Variants in TRIM44 observed in about 807,000 individuals in gnomAD.
TRIM44 encodes tripartite motif-containing protein 44.
TRIM44 carries 13 observed loss-of-function variants against 37.4 expected under a neutral mutation model. The ratio of observed to expected loss-of-function variants is 0.35; its 90% CI spans 0.23 to 0.55. The LOEUF (loss-of-function observed/expected upper bound fraction) is 0.55, where lower values mean the gene tolerates loss of function less well. TRIM44 is among the 20% of genes least tolerant of loss of function. TRIM44 has a pLI of 0.89. For synonymous variants in TRIM44, 175 were observed against 157.2 expected, an observed-to-expected ratio of 1.11 and a Z score of -0.85; for missense variants, 426 against 437.2, an observed-to-expected ratio of 0.97 and a Z score of 0.23.
intron 2 of TRIM44, among the ~76,000 whole-genome samples, chr11:35,687,661 T>A (rs780186532): frequency 6.6e-6 from 1 of 152,180 alleles, no homozygotes; most frequent in Non-Finnish European, 1.5e-5. Context: ...TTGGGATCCT[T>A]TATGAATGCA....
intron 4 of TRIM44, among the ~76,000 whole-genome samples, chr11:35,766,852 A>G (rs969794406): frequency 6.6e-6 from 1 of 152,198 alleles, no homozygotes; most frequent in African/African-American, 2.4e-5. Flanking sequence ...GGCACATGAT[A>G]AATGTGTGTG....
At chr11:35,776,406 C>G (rs1251920464) in intron 4 of TRIM44, among the ~76,000 whole-genome samples, 1 of 152,098 alleles carries the variant, frequency 6.6e-6, no homozygotes, top group Non-Finnish European at 1.5e-5. Context: ...TTCAAAAAAC[C>G]AGCTCCTGGA....
chr11:35,797,344 C>T lies in TRIM44; in HGVS notation c.1008-9014C>T, dbSNP rs541389152. On this transcript the variant is annotated intron_variant, in intron 4 of 4. Coordinates refer to ENST00000299413, the MANE Select transcript of TRIM44 (RefSeq NM_017583.6). ...TAAATGAAGGAGAAGAGACAAAGCT[C>T]ATGTTTGAAAGTATTCCACATAATG... 4.6e-5 allele frequency among the ~76,000 whole-genome samples: 7 copies of T among 152,282 alleles called. No homozygotes were observed. The East Asian group carries it at 1.3e-3, about 29-fold the overall frequency.
intron 4 of TRIM44, among the ~76,000 whole-genome samples, chr11:35,737,672 C>T (rs545690947): frequency 1.3e-5 from 2 of 152,016 alleles, no homozygotes; most frequent in Non-Finnish European, 2.9e-5. Context: ...CCTCTCTCTA[C>T]CAAAAATACA....
intron 2 of TRIM44, among the ~76,000 whole-genome samples, chr11:35,718,449 A>C (rs1852063233): frequency 6.6e-6 from 1 of 152,196 alleles, no homozygotes; most frequent in South Asian, 2.1e-4. Flanking sequence ...TTAGGTTAAC[A>C]GAAAAATTGA....
At chr11:35,793,997 A>G (rs899477856) in intron 4 of TRIM44, among the ~76,000 whole-genome samples, 3 of 152,248 alleles carry the variant, frequency 2.0e-5, no homozygotes, top group Admixed American at 1.3e-4. Context: ...CTTATAATGT[A>G]TAATTATCCT....
At chr11:35,778,846 G>T (rs747900603) in intron 4 of TRIM44, among the ~76,000 whole-genome samples, 6 of 152,140 alleles carry the variant, frequency 3.9e-5, no homozygotes, top group Non-Finnish European at 8.8e-5. Context: ...ATGAGGTGTC[G>T]GTCAGCCCCC....
chr11:35,793,208 T>A (rs1007027996), intron 4 of TRIM44, among the ~76,000 whole-genome samples: 3 of 151,194 alleles, frequency 2.0e-5, no homozygotes, highest in Non-Finnish European at 2.9e-5. Context: ...GCTTCTTTTT[T>A]AAAAAACAAA....
At chr11:35,725,064 A>ACT (rs758611307) in intron 2 of TRIM44, among the ~76,000 whole-genome samples, 8,660 of 98,064 alleles carry the variant, frequency 0.088, 264 homozygotes, top group East Asian at 0.16. Flanking sequence ...ACATGCACAC[A>ACT]CTCACACACA....
rs12293772 is a variant in TRIM44 at position 35,814,270 on chromosome 11, G to T, written c.*7885G>T. ...AACGTTATGTAGATATAATACCAGCGTGACAGCTTGTGGTTGGTGGTTTCT... is the reference window on the plus strand; with the variant it reads ...AACGTTATGTAGATATAATACCAGCTTGACAGCTTGTGGTTGGTGGTTTCT... On this transcript the variant is annotated 3_prime_UTR_variant, in exon 5 of 5. Transcript: ENST00000299413. The T allele has an allele frequency of 1.3e-3, 201 of 152,288 alleles. No homozygotes were observed. Among genetic ancestry groups the T allele is most frequent in the African/African-American group, 4.5e-3 (185 of 41,538 alleles). 9.4% of individuals were successfully genotyped at this position (152,288 alleles called of 1,614,324 possible). A position where few individuals can be genotyped will look rare whatever the true frequency, so the allele number is the denominator to read the frequency against.
intron 2 of TRIM44, among the ~76,000 whole-genome samples, chr11:35,706,499 T>C (rs1238896090): frequency 6.6e-6 from 1 of 152,206 alleles, no homozygotes; most frequent in Non-Finnish European, 1.5e-5. Context: ...TGAACATCGA[T>C]GCAAAAATCC....
chr11:35,775,825 T>C (rs1821183221), intron 4 of TRIM44, among the ~76,000 whole-genome samples: 1 of 152,230 alleles, frequency 6.6e-6, no homozygotes, highest in East Asian at 1.9e-4. Context: ...GAAGCCCACT[T>C]GATCATGGTG....
rs962514351 is a variant in TRIM44 at position 35,662,898 on chromosome 11, G to C, written c.-214G>C. 1 of 744,286 alleles carries C rather than the reference G, an allele frequency of 1.3e-6. No individual in the cohort carries two copies. The highest frequency in any genetic ancestry group is 1.9e-6 in the Non-Finnish European group (1 of 533,076). 46.1% of individuals were successfully genotyped at this position (744,286 alleles called of 1,614,324 possible). On this transcript the variant is annotated 5_prime_UTR_variant, in exon 1 of 5. Transcript: ENST00000299413. Reference sequence around the variant, plus strand: ...GCGCGGCAGAGGAAGCGCAGGGACAGAGCGGAGCAGGCCGAGCCGGCGGAA... The same window carrying C: ...GCGCGGCAGAGGAAGCGCAGGGACACAGCGGAGCAGGCCGAGCCGGCGGAA...
At chr11:35,679,310 T>C (rs981276445) in intron 1 of TRIM44, among the ~76,000 whole-genome samples, 1 of 152,206 alleles carries the variant, frequency 6.6e-6, no homozygotes, top group South Asian at 2.1e-4. Flanking sequence ...CATATTCTAC[T>C]TTTGCTTCTA....
intron 4 of TRIM44, among the ~76,000 whole-genome samples, chr11:35,757,222 T>G (rs928370736): frequency 6.6e-6 from 1 of 152,220 alleles, no homozygotes; most frequent in African/African-American, 2.4e-5. Context: ...CTTCCTGGTT[T>G]AGTCTTGGGA....
intron 4 of TRIM44, among the ~76,000 whole-genome samples, chr11:35,773,068 A>T (rs1349041894): frequency 2.0e-5 from 3 of 152,182 alleles, no homozygotes; most frequent in African/African-American, 4.8e-5. Context: ...AATAAGGCTC[A>T]CAAGATCTGA....
At chr11:35,741,596 G>T (rs907425900) in intron 4 of TRIM44, among the ~76,000 whole-genome samples, 1 of 152,170 alleles carries the variant, frequency 6.6e-6, no homozygotes, top group Non-Finnish European at 1.5e-5. Flanking sequence ...GAAGGGGCAT[G>T]GATGCCACTT....
At chr11:35,790,333 AGGCTTAAT>A (rs1439273037) in intron 4 of TRIM44, among the ~76,000 whole-genome samples, 1 of 152,182 alleles carries the variant, frequency 6.6e-6, no homozygotes, top group Admixed American at 6.5e-5. Context: ...TAGGGACTTT[AGGCTTAAT>A]GGCTTATGGG....
At chr11:35,757,659 C>T (rs540120906) in intron 4 of TRIM44, among the ~76,000 whole-genome samples, 57 of 152,316 alleles carry the variant, frequency 3.7e-4, no homozygotes, top group African/African-American at 1.3e-3. Context: ...TTCCTCTACA[C>T]ACTGCTTTGA....
Sources: gnomAD v4.1 joint callset for allele counts (sites outside exome capture counted in the v4.1 genomes callset) on GRCh38, gnomAD v4.1.1 for gene constraint, MANE v1.5 for transcripts, NCBI Gene and HGNC (gene_info 2026-07-23, HGNC 2026-07-21) for gene names.